Variants in FNDC3B observed in about 807,000 individuals in gnomAD.
FNDC3B encodes the protein fibronectin type III domain containing 3B, also known as fibronectin type III domain-containing protein 3B.
A neutral mutation model predicts 151.5 loss-of-function variants in FNDC3B; 12 were observed. The observed-to-expected ratio is 0.08, with a 90% CI of 0.05 to 0.13. The LOEUF is 0.13. Among genes scored for constraint, FNDC3B ranks in the 10% least tolerant of loss-of-function variants. The pLI, the probability that FNDC3B is intolerant of heterozygous loss-of-function variation, is 1.00. For synonymous variants in FNDC3B, 528 were observed against 549.0 expected (o/e 0.96, Z 0.54); for missense variants, 1,214 against 1,505.3 (o/e 0.81, Z 3.20).
intron 11 of FNDC3B, among the ~76,000 whole-genome samples, chr3:172,315,676 A>G (rs1731744045): frequency 6.6e-6 from 1 of 152,162 alleles, no homozygotes; most frequent in East Asian, 1.9e-4. Context: ...GTCACATCAC[A>G]TTTTTATTTC....
At chr3:172,328,339 G>A (rs1732464207) in intron 11 of FNDC3B, among the ~76,000 whole-genome samples, 1 of 152,146 alleles carries the variant, frequency 6.6e-6, no homozygotes, top group African/African-American at 2.4e-5. Flanking sequence ...AAGCAGACGT[G>A]GACAAAATGA....
intron 1 of FNDC3B, among the ~76,000 whole-genome samples, chr3:172,046,364 A>T (rs1716372174): frequency 1.3e-5 from 2 of 151,862 alleles, no homozygotes; most frequent in Non-Finnish European, 2.9e-5. Flanking sequence ...ACAGTGTTTC[A>T]CTGCTGCTGG....
At chr3:172,207,516 G>A (rs938711037) in intron 3 of FNDC3B, among the ~76,000 whole-genome samples, 2 of 152,172 alleles carry the variant, frequency 1.3e-5, no homozygotes, top group Non-Finnish European at 2.9e-5. Context: ...ATTAAAACAT[G>A]AATAATTTGG....
intron 11 of FNDC3B, among the ~76,000 whole-genome samples, chr3:172,326,250 T>C (rs1732335848): frequency 6.6e-6 from 1 of 152,250 alleles, no homozygotes; most frequent in Non-Finnish European, 1.5e-5. Flanking sequence ...CAATGACTTC[T>C]AAAAATTCAT....
intron 1 of FNDC3B, among the ~76,000 whole-genome samples, chr3:172,060,136 C>A (rs143644063): frequency 3.5e-4 from 53 of 152,200 alleles, no homozygotes; most frequent in African/African-American, 1.2e-3. Flanking sequence ...AAGAGAGAAC[C>A]CTCATAGTCA....
intron 22 of FNDC3B, among the ~76,000 whole-genome samples, chr3:172,362,103 A>G (rs1024302910): frequency 6.6e-6 from 1 of 152,234 alleles, no homozygotes; most frequent in African/African-American, 2.4e-5. Flanking sequence ...GCACATCTGG[A>G]TGCCATCCCA....
intron 6 of FNDC3B, among the ~76,000 whole-genome samples, chr3:172,261,442 T>G (rs1034746053): frequency 6.6e-6 from 1 of 152,204 alleles, no homozygotes; most frequent in Non-Finnish European, 1.5e-5. Context: ...GTATGATCAG[T>G]ATTGTAATGT....
chr3:172,084,959 G>A (rs1311492642), intron 1 of FNDC3B, among the ~76,000 whole-genome samples: 1 of 152,098 alleles, frequency 6.6e-6, no homozygotes, highest in Admixed American at 6.6e-5. Context: ...TTGGGCACTG[G>A]TGAAGTTTCA....
rs537858159 is a variant in FNDC3B at position 172,312,783 on chromosome 3, C to G, written c.1254+1902C>G. On this transcript the variant is annotated intron_variant, in intron 11 of 25. Transcript: ENST00000415807. The stretch of plus-strand genomic sequence containing the variant: ...CTCAGTGGGAAACCTCCAAAGAAAA[C>G]TCGGGTGCTGCAGGAAATGGTAACT... Among the ~76,000 whole-genome samples, 5 of 152,194 alleles carry G rather than the reference C, an allele frequency of 3.3e-5. No homozygotes were observed. The South Asian group carries it at 1.0e-3, about 32-fold the overall frequency.
chr3:172,313,357 T>A (rs1225559438), intron 11 of FNDC3B, among the ~76,000 whole-genome samples: 9 of 152,260 alleles, frequency 5.9e-5, no homozygotes, highest in Non-Finnish European at 1.5e-5. Context: ...GCTGGGCAGC[T>A]TGACCTCTCT....
Position 172,112,450 on chromosome 3 carries a change from A to G in FNDC3B, c.-28-2A>G. 1 of 1,510,664 alleles carries G rather than the reference A, an allele frequency of 6.6e-7. No homozygotes were observed. The highest frequency in any genetic ancestry group is 9.2e-7 in the Non-Finnish European group (1 of 1,085,602). The allele number at this position is 1,510,664 out of a possible 1,614,324, so 93.6% of individuals were successfully genotyped here. ...TTTTAAAAAGCGGCGGTTCTCTTGC[A>G]GGAAGCCAGTTGAGGGAAGTTCTCC... is the stretch of plus-strand genomic sequence containing the variant. On this transcript the variant is annotated splice_acceptor_variant, in intron 1 of 25. Transcript: ENST00000415807. LOFTEE classifies it low-confidence loss of function (5UTR_SPLICE).
chr3:172,167,130 T>C (rs1056821534), intron 3 of FNDC3B, among the ~76,000 whole-genome samples: 21 of 152,238 alleles, frequency 1.4e-4, no homozygotes, highest in Non-Finnish European at 1.2e-4. Context: ...GTACATTGGC[T>C]CACGCCTATA....
intron 2 of FNDC3B, among the ~76,000 whole-genome samples, chr3:172,118,702 T>C (rs1720383401): frequency 6.6e-6 from 1 of 152,200 alleles, no homozygotes; most frequent in African/African-American, 2.4e-5. Context: ...AGCTCGGTCT[T>C]GGATCACATT....
intron 2 of FNDC3B, 105 bp downstream of exon 2, chr3:172,112,695 A>C: frequency 1.3e-6 from 1 of 792,846 alleles, no homozygotes; most frequent in Non-Finnish European, 2.2e-6. Flanking sequence ...TTCAAACCTT[A>C]GCATTTCTAG....
intron 4 of FNDC3B, among the ~76,000 whole-genome samples, chr3:172,239,930 G>A (rs749142062): frequency 3.7e-4 from 46 of 125,782 alleles, no homozygotes; most frequent in East Asian, 1.0e-3. Flanking sequence ...ATGCAGTGAC[G>A]CGATCTTGGC....
At chr3:172,359,394 A>G (rs1734262581) in intron 22 of FNDC3B, among the ~76,000 whole-genome samples, 1 of 152,190 alleles carries the variant, frequency 6.6e-6, no homozygotes, top group African/African-American at 2.4e-5. Context: ...CTAGAATACA[A>G]GGTGAGCCAG....
chr3:172,143,580 C>T (rs1576904314), intron 3 of FNDC3B, among the ~76,000 whole-genome samples: 4 of 152,010 alleles, frequency 2.6e-5, no homozygotes, highest in South Asian at 2.1e-4. Context: ...AATAAATTCT[C>T]GGTAAACTCT....
chr3:172,103,977 T>C lies in FNDC3B; in HGVS notation c.-28-8475T>C, dbSNP rs1055496246. Among the ~76,000 whole-genome samples the C allele has an allele frequency of 1.4e-4, 21 of 152,126 alleles. No homozygotes were observed. The East Asian group carries it at 4.1e-3, about 29-fold the overall frequency. ...TTCAAGTGGCAAGCCATGGCAAGAG[T>C]CTTTCTTGCACAGCTGTATAGAACT... On this transcript the variant is annotated intron_variant, in intron 1 of 25. Transcript: ENST00000415807.
chr3:172,318,877 G>C (rs915779214), intron 11 of FNDC3B, among the ~76,000 whole-genome samples: 1 of 152,174 alleles, frequency 6.6e-6, no homozygotes, highest in African/African-American at 2.4e-5. Context: ...AGAAAGCCAA[G>C]AGAATTGCTG....
Sources: allele counts gnomAD v4.1 joint callset (sites outside exome capture counted in the v4.1 genomes callset), GRCh38; gene constraint gnomAD v4.1.1; transcripts MANE v1.5; gene names NCBI Gene and HGNC (gene_info 2026-07-23, HGNC 2026-07-21).